IRAG2: variants seen among roughly 807,000 people sequenced by gnomAD.
IRAG2 encodes inositol 1,4,5-triphosphate receptor associated 2.
A neutral mutation model predicts 69.9 loss-of-function variants in IRAG2; 45 were observed. The observed-to-expected ratio is 0.64, with a 90% CI of 0.51 to 0.83. The LOEUF (loss-of-function observed/expected upper bound fraction) is 0.83, where lower values mean the gene tolerates loss of function less well. IRAG2 is among the 40% of genes least tolerant of loss of function. The pLI is 0.00. For missense variants in IRAG2, 520 were observed against 587.0 expected (o/e 0.89, Z 1.18); for synonymous variants, 193 against 202.4 (o/e 0.95, Z 0.40).
intron 4 of IRAG2, among the ~76,000 whole-genome samples, chr12:25,065,381 T>A (rs1945910913): frequency 6.6e-6 from 1 of 152,180 alleles, no homozygotes; most frequent in Non-Finnish European, 1.5e-5. Context: ...AATTTCTGAT[T>A]GACCCTAAAC....
intron 6 of IRAG2, among the ~76,000 whole-genome samples, chr12:25,070,660 C>G (rs1382327466): frequency 6.6e-6 from 1 of 152,204 alleles, no homozygotes; most frequent in East Asian, 1.9e-4. Flanking sequence ...ATTCCTGTGG[C>G]AGAGTTACTG....
At chr12:25,085,509 G>T (rs149239740) in intron 10 of IRAG2, among the ~76,000 whole-genome samples, 274 of 152,288 alleles carry the variant, frequency 1.8e-3, no homozygotes, top group African/African-American at 6.4e-3. Flanking sequence ...CTGCTGGTCT[G>T]CCAGTGTTGT....
At chr12:25,016,057 A>G (rs1944524912) in intron 5 of IRAG2, among the ~76,000 whole-genome samples, 1 of 152,136 alleles carries the variant, frequency 6.6e-6, no homozygotes, top group Non-Finnish European at 1.5e-5. Context: ...TTAGCCGGGC[A>G]TGGTGGCACG....
chr12:25,085,468 C>A (rs890315757), intron 10 of IRAG2, among the ~76,000 whole-genome samples: 8 of 152,200 alleles, frequency 5.3e-5, no homozygotes, highest in African/African-American at 1.9e-4. Flanking sequence ...CTTTCTCTGC[C>A]ATGTCATTCC....
At chr12:25,088,068 C>A (rs1407294890) in intron 10 of IRAG2, 32 bp from the exon 11 acceptor site, 13 of 1,465,588 alleles carry the variant, frequency 8.9e-6, no homozygotes, top group Non-Finnish European at 1.1e-5. Context: ...TATTTCCACT[C>A]TATGTACAGT....
chr12:25,020,964 T>C (rs762849348), intron 7 of IRAG2: 13 of 864,696 alleles, frequency 1.5e-5, no homozygotes, highest in East Asian at 3.3e-5. Flanking sequence ...AACTGAAATA[T>C]ACAAGAGGAC....
Position 25,104,359 on chromosome 12 carries a change from A to G in IRAG2, c.1047-2A>G. On this transcript the variant is annotated splice_acceptor_variant, in intron 19 of 21. Coordinates refer to ENST00000556887, the MANE Select transcript of IRAG2 (RefSeq NM_001366544.2). LOFTEE classifies it high-confidence loss of function. ...CAAGTGGCTATAATCATCTTTATTT[A>G]GGCGTATTTTGGGGTCAAAGCAGAG... is the stretch of plus-strand genomic sequence containing the variant. 6.3e-7 allele frequency: 1 copy of G among 1,581,952 alleles called. No homozygotes were observed. Among genetic ancestry groups the G allele is most frequent in the Non-Finnish European group, 8.7e-7 (1 of 1,150,702 alleles).
chr12:25,021,231 A>G (rs186868114), intron 7 of IRAG2, among the ~76,000 whole-genome samples: 1 of 151,100 alleles, frequency 6.6e-6, no homozygotes, highest in Admixed American at 6.6e-5. Context: ...CAGCTTCCCA[A>G]AGTGTTGGGA....
chr12:25,008,631 A>G (rs1053882100), intron 2 of IRAG2, among the ~76,000 whole-genome samples: 6 of 152,036 alleles, frequency 3.9e-5, no homozygotes, highest in Non-Finnish European at 8.8e-5. Flanking sequence ...CCCAGCTACT[A>G]GGGAGGCTGA....
At chr12:25,097,185 G>C in intron 15 of IRAG2, 141 bp downstream of exon 15, 7 of 622,726 alleles carry the variant, frequency 1.1e-5, no homozygotes, top group Non-Finnish European at 1.8e-5. Context: ...ATACATATGT[G>C]TTTAATACAG....
intron 5 of IRAG2, chr12:25,015,498 T>C (rs1944520295): frequency 2.0e-6 from 2 of 988,106 alleles, no homozygotes; most frequent in South Asian, 1.1e-4. Flanking sequence ...TAAATCTACG[T>C]ATTTCAGTTA....
chr12:25,103,594 C>T, intron 17 of IRAG2: 1 of 448,010 alleles, frequency 2.2e-6, no homozygotes. Context: ...CAAACCTAAA[C>T]AAATTGTATA....
Position 25,005,374 on chromosome 12 carries a change from T to C in IRAG2, c.688+20T>C, listed in dbSNP as rs143688697. Reference sequence around the variant, plus strand: ...GGAAAGGTAAGCTAAAAATTATCTGTTTAAACATTTGGTAGGACTGTCCAA... The same window carrying C: ...GGAAAGGTAAGCTAAAAATTATCTGCTTAAACATTTGGTAGGACTGTCCAA... On this transcript the variant is annotated intron_variant, in intron 2 of 38. Transcript: ENST00000636465. The C allele has an allele frequency of 4.1e-5, 45 of 1,095,564 alleles. No individual in the cohort carries two copies. The African/African-American group carries it at 6.3e-4, about 15-fold the overall frequency. 67.9% of individuals were successfully genotyped at this position (1,095,564 alleles called of 1,614,324 possible).
At chr12:25,061,485 A>C (rs918485940) in intron 1 of IRAG2, 107 bp from the exon 2 acceptor site, 1 of 395,792 alleles carries the variant, frequency 2.5e-6, no homozygotes, top group Non-Finnish European at 4.5e-6. Flanking sequence ...AGATCATGCC[A>C]CTGCACTCCA....
At chr12:25,067,906 T>G (rs1156762303) in intron 5 of IRAG2, among the ~76,000 whole-genome samples, 1 of 152,098 alleles carries the variant, frequency 6.6e-6, no homozygotes, top group Non-Finnish European at 1.5e-5. Flanking sequence ...AGTGGCATGA[T>G]CTCGGCTCAC....
intron 8 of IRAG2, among the ~76,000 whole-genome samples, chr12:25,024,855 G>A (rs1281887687): frequency 6.6e-6 from 1 of 152,192 alleles, no homozygotes; most frequent in Non-Finnish European, 1.5e-5. Flanking sequence ...TGAGTGACAC[G>A]TATCAAAGAA....
intron 7 of IRAG2, among the ~76,000 whole-genome samples, chr12:25,022,368 C>G (rs532488520): frequency 5.3e-5 from 8 of 152,224 alleles, no homozygotes; most frequent in African/African-American, 1.9e-4. Flanking sequence ...GTGACACACA[C>G]TTGTAATCCC....
Position 25,040,408 on chromosome 12 carries a change from G to T in IRAG2, c.2144+2271G>T, listed in dbSNP as rs543583910. Among the ~76,000 whole-genome samples, 4 of 152,250 alleles carry T rather than the reference G, an allele frequency of 2.6e-5. No individual in the cohort carries two copies. In the East Asian group the frequency reaches 5.8e-4, roughly 22 times the overall value. On this transcript the variant is annotated intron_variant, in intron 16 of 38. Transcript: ENST00000636465. ...TGTAGTCTCAGCTACTTGGGAGGTTGAGGTGGAAGGATTGAGCCCAGGAGT... is the reference window on the plus strand; with the variant it reads ...TGTAGTCTCAGCTACTTGGGAGGTTTAGGTGGAAGGATTGAGCCCAGGAGT...
intron 1 of IRAG2, among the ~76,000 whole-genome samples, chr12:25,057,541 G>A (rs1423270659): frequency 6.6e-6 from 1 of 152,130 alleles, no homozygotes; most frequent in Admixed American, 6.5e-5. Flanking sequence ...TTACAGGCAT[G>A]AGCCACTCTG....
Sources: gnomAD v4.1 joint callset for allele counts (sites outside exome capture counted in the v4.1 genomes callset) on GRCh38, gnomAD v4.1.1 for gene constraint, MANE v1.5 for transcripts, NCBI Gene and HGNC (gene_info 2026-07-23, HGNC 2026-07-21) for gene names.